DNAH3: variants seen among roughly 807,000 people sequenced by gnomAD.
DNAH3 encodes the protein axonemal beta dynein heavy chain 3.
In DNAH3, 332 loss-of-function variants were observed where a neutral mutation model predicts 432.5. That is an observed-to-expected ratio of 0.77 (90% CI 0.70 to 0.84). The LOEUF is 0.84. Ranked by LOEUF, DNAH3 falls within the 40% of genes least tolerant of loss-of-function variation. The pLI is 0.00. For synonymous variants in DNAH3, 1,956 were observed against 1,900.2 expected, an observed-to-expected ratio of 1.03 and a Z score of -0.76; for missense variants, 4,861 against 5,114.0, an observed-to-expected ratio of 0.95 and a Z score of 1.51.
chr16:20,984,009 A>C (rs1007045673), intron 48 of DNAH3, among the ~76,000 whole-genome samples: 1 of 148,192 alleles, frequency 6.7e-6, no homozygotes, highest in African/African-American at 2.5e-5. Flanking sequence ...CCTGGGTGAC[A>C]GAGCAAGACC....
At chr16:21,154,433 T>G (rs1182824896) in intron 1 of DNAH3, among the ~76,000 whole-genome samples, 1 of 151,898 alleles carries the variant, frequency 6.6e-6, no homozygotes, top group Non-Finnish European at 1.5e-5. Context: ...ATGGTCCTGA[T>G]GTGGAGCTAA....
At chr16:20,975,507 A>G in intron 50 of DNAH3, 92 bp from the exon 51 acceptor site, 2 of 1,230,316 alleles carry the variant, frequency 1.6e-6, no homozygotes, top group Admixed American at 4.4e-5. Context: ...CTATGACATA[A>G]GCAGAAAATA....
In DNAH3 at chr16:21,000,220, T is replaced by C; in HGVS notation, c.6421+4A>G. ...TTGTGTCCAGACCCAGCCCAATGCCTTACCCACAAACACCACTGCTTTCTT... is the reference window on the plus strand; with the variant it reads ...TTGTGTCCAGACCCAGCCCAATGCCCTACCCACAAACACCACTGCTTTCTT... On this transcript the variant is annotated splice_donor_region_variant and intron_variant, in intron 43 of 61. Coordinates refer to ENST00000261383, the Ensembl canonical transcript of DNAH3. The C allele has an allele frequency of 6.2e-7, 1 of 1,612,284 alleles. No homozygotes were observed. Among genetic ancestry groups the C allele is most frequent in the Non-Finnish European group, 8.5e-7 (1 of 1,178,808 alleles).
exon 8 of DNAH3, chr16:21,127,785 T>C (rs1567839181): frequency 1.2e-6 from 2 of 1,614,160 alleles, no homozygotes; most frequent in Non-Finnish European, 1.7e-6. Flanking sequence ...GTATTTCTGC[T>C]GTTCGAACAA....
At chr16:20,979,601 A>G in intron 49 of DNAH3, 55 bp from the exon 50 acceptor site, 8 of 1,506,964 alleles carry the variant, frequency 5.3e-6, no homozygotes, top group Non-Finnish European at 7.4e-6. Context: ...AGGGAGATCC[A>G]GTACAGCTTT....
exon 46 of DNAH3, chr16:20,987,846 G>A (rs563625767): frequency 3.5e-5 from 57 of 1,613,952 alleles, no homozygotes; most frequent in Non-Finnish European, 4.4e-5. Context: ...GCATCTTTCC[G>A]TACCTTGGGA....
chr16:20,950,925 C>G (rs559192329), intron 56 of DNAH3, among the ~76,000 whole-genome samples: 3 of 151,806 alleles, frequency 2.0e-5, no homozygotes, highest in Non-Finnish European at 4.4e-5. Flanking sequence ...TGTGCTCATG[C>G]GATCCTCCTG....
At chr16:21,071,695 C>A (rs2090788755) in intron 21 of DNAH3, among the ~76,000 whole-genome samples, 1 of 151,970 alleles carries the variant, frequency 6.6e-6, no homozygotes, top group Non-Finnish European at 1.5e-5. Context: ...CAAGACCAGC[C>A]TAGGCAACAT....
chr16:21,099,483 T>C (rs2091782102), intron 16 of DNAH3, among the ~76,000 whole-genome samples: 1 of 152,236 alleles, frequency 6.6e-6, no homozygotes, highest in South Asian at 2.1e-4. Context: ...TTCATCCATA[T>C]TATCAACAAA....
At chr16:21,048,432 C>T (rs1338999223) in intron 31 of DNAH3, among the ~76,000 whole-genome samples, 4 of 152,280 alleles carry the variant, frequency 2.6e-5, no homozygotes, top group South Asian at 2.1e-4. Context: ...GGGAGTGACC[C>T]GATTTTCCAG....
At chr16:20,998,421 T>G (rs545586793) in intron 43 of DNAH3, among the ~76,000 whole-genome samples, 40 of 151,974 alleles carry the variant, frequency 2.6e-4, no homozygotes, top group African/African-American at 8.9e-4. Flanking sequence ...CCCAGCTAAT[T>G]TTTGTATTTT....
chr16:21,078,275 CAAAA>C (rs1202846920), intron 20 of DNAH3, among the ~76,000 whole-genome samples: 3 of 83,842 alleles, frequency 3.6e-5, no homozygotes, highest in Non-Finnish European at 7.0e-5. Context: ...AATTCCGTCT[CAAAA>C]AAAAAAAAAA....
At chr16:21,054,823 T>C (rs1205980167) in intron 27 of DNAH3, among the ~76,000 whole-genome samples, 1 of 152,232 alleles carries the variant, frequency 6.6e-6, no homozygotes, top group Non-Finnish European at 1.5e-5. Context: ...TGGTAATTAC[T>C]GGAGGCTTGG....
rs561805297 is a variant in DNAH3, at chr16:20,994,272, A to C, written c.6601+3011T>G. On this transcript the variant is annotated intron_variant, in intron 44 of 61. Coordinates refer to ENST00000261383, the Ensembl canonical transcript of DNAH3. The stretch of plus-strand genomic sequence containing the variant: ...GGATGAAACCCCGTCTCTACTAAAA[A>C]TACAAAAAAATTAGCCGGGCATTGT... 1.3e-4 allele frequency among the ~76,000 whole-genome samples: 20 copies of C among 152,216 alleles called. No homozygotes were observed. The East Asian group carries it at 3.7e-3, about 28-fold the overall frequency.
Position 21,141,384 on chromosome 16 carries a change from G to C in DNAH3, c.449-12C>G. 6.3e-7 allele frequency: 1 copy of C among 1,577,948 alleles called. No individual in the cohort carries two copies. The highest frequency in any genetic ancestry group is 8.6e-7 in the Non-Finnish European group (1 of 1,157,536). Reference sequence around the variant, plus strand: ...TGAGCTTCTATTTCCTGGAAGAATGGAGAAGAAAGACATCAGTGATGGGCA... The same window carrying C: ...TGAGCTTCTATTTCCTGGAAGAATGCAGAAGAAAGACATCAGTGATGGGCA... On this transcript the variant is annotated splice_polypyrimidine_tract_variant and intron_variant, in intron 3 of 61. Coordinates refer to ENST00000261383, the Ensembl canonical transcript of DNAH3.
chr16:21,024,581 G>C lies in DNAH3; in HGVS notation c.5646+15C>G, dbSNP rs370322248. The C allele has an allele frequency of 6.3e-7, 1 of 1,591,636 alleles. No individual in the cohort carries two copies. Among genetic ancestry groups the C allele is most frequent in the Non-Finnish European group, 8.6e-7 (1 of 1,166,886 alleles). On this transcript the variant is annotated intron_variant, in intron 39 of 61. Coordinates refer to ENST00000261383, the Ensembl canonical transcript of DNAH3. Reference sequence around the variant, plus strand: ...GAGACAGCAGGAGGGGAAGGAAAGGGTCTGAGGGGCTCACCAATTCTTTGT... The same window carrying C: ...GAGACAGCAGGAGGGGAAGGAAAGGCTCTGAGGGGCTCACCAATTCTTTGT...
chr16:21,066,834 T>G (rs1455166445), intron 24 of DNAH3, among the ~76,000 whole-genome samples: 2 of 152,336 alleles, frequency 1.3e-5, no homozygotes, highest in South Asian at 2.1e-4. Flanking sequence ...CTAAATGTTT[T>G]TACATGTGTT....
intron 1 of DNAH3, among the ~76,000 whole-genome samples, chr16:21,152,244 AAAAC>A (rs2092860694): frequency 6.6e-6 from 1 of 152,212 alleles, no homozygotes. Context: ...AAAAAAAAGA[AAAAC>A]AAACAAAAAA....
intron 42 of DNAH3, among the ~76,000 whole-genome samples, chr16:21,000,754 G>A (rs1338055415): frequency 6.6e-6 from 1 of 152,112 alleles, no homozygotes; most frequent in Non-Finnish European, 1.5e-5. Context: ...TGTAAAGTTG[G>A]GCATTACTGT....
Sources: allele counts gnomAD v4.1 joint callset (sites outside exome capture counted in the v4.1 genomes callset), GRCh38; gene constraint gnomAD v4.1.1; transcripts MANE v1.5; gene names NCBI Gene and HGNC (gene_info 2026-07-23, HGNC 2026-07-21).